TENT4B: variants seen among roughly 807,000 people sequenced by gnomAD.
The protein encoded by TENT4B is PAP associated domain containing 5.
In TENT4B, 10 loss-of-function variants were observed where a neutral mutation model predicts 75.0. That is an observed-to-expected ratio of 0.13 (90% CI 0.08 to 0.23). The LOEUF (loss-of-function observed/expected upper bound fraction) is 0.23, where lower values mean the gene tolerates loss of function less well. Among genes scored for constraint, TENT4B ranks in the 10% least tolerant of loss-of-function variants. The probability of loss-of-function intolerance (pLI) is 1.00; values close to 1 mark genes in which losing one functional copy is unlikely to be tolerated. For synonymous variants in TENT4B, 350 were observed against 357.7 expected (o/e 0.98, Z 0.24); for missense variants, 579 against 893.8 (o/e 0.65, Z 4.49).
intron 3 of TENT4B, among the ~76,000 whole-genome samples, chr16:50,214,862 C>T (rs1405213842): frequency 6.6e-6 from 1 of 152,200 alleles, no homozygotes; most frequent in Non-Finnish European, 1.5e-5. Flanking sequence ...ACTTAACCCA[C>T]TGACACAGAT....
At chr16:50,210,846 C>A (rs2031240974) in intron 1 of TENT4B, among the ~76,000 whole-genome samples, 1 of 152,186 alleles carries the variant, frequency 6.6e-6, no homozygotes, top group Non-Finnish European at 1.5e-5. Context: ...CCTTTGCCAG[C>A]CATTCTTTTC....
In TENT4B at chr16:50,220,666, CTACA is replaced by C. The variant is rs1342778916; in HGVS notation, c.1039-1637_1039-1634del. Among the ~76,000 whole-genome samples, 25 of 152,010 alleles carry C rather than the reference CTACA, an allele frequency of 1.6e-4. No homozygotes were observed. The Middle Eastern group carries it at 0.01, about 62-fold the overall frequency. ...GCCTCAGCCTCCAGAATAGCTGGGA[CTACA>C]TATGTGTGCCACCACGCTGGGCTAA... On this transcript the variant is annotated intron_variant, in intron 5 of 11. Transcript: ENST00000561678.
chr16:50,164,337 T>C (rs1339082308), intron 1 of TENT4B, among the ~76,000 whole-genome samples: 4 of 148,010 alleles, frequency 2.7e-5, no homozygotes, highest in African/African-American at 1.0e-4. Flanking sequence ...TTAGATGAAG[T>C]CTCCCTCTGT....
At chr16:50,168,499 A>T in intron 1 of TENT4B, among the ~76,000 whole-genome samples, 1 of 142,748 alleles carries the variant, frequency 7.0e-6, no homozygotes, top group African/African-American at 2.7e-5. Context: ...TTTTTAGTAG[A>T]GACTCGGTTT....
Position 50,234,128 on chromosome 16 carries a change from G to A in TENT4B, c.*4800G>A, listed in dbSNP as rs1567519743. The A allele has an allele frequency of 2.0e-6, 2 of 985,440 alleles. No homozygotes were observed. The highest frequency in any genetic ancestry group is 2.4e-6 in the Non-Finnish European group (2 of 829,940). The allele number at this position is 985,440 out of a possible 1,614,324, so 61.0% of individuals were successfully genotyped here. ...TCTTAAAGATGCCTAGAAACAAAAC[G>A]CATATAGTACCAGTGAGAAACTATG... On this transcript the variant is annotated 3_prime_UTR_variant, in exon 12 of 12. Transcript: ENST00000561678.
chr16:50,216,356 A>G (rs2031552623), intron 4 of TENT4B, among the ~76,000 whole-genome samples, 161 bp downstream of exon 4: 1 of 152,190 alleles, frequency 6.6e-6, no homozygotes, highest in East Asian at 1.9e-4. Context: ...GGTTGTCCAC[A>G]CTGGAGTGTG....
intron 5 of TENT4B, among the ~76,000 whole-genome samples, chr16:50,220,912 G>C (rs2031796704): frequency 6.6e-6 from 1 of 152,092 alleles, no homozygotes; most frequent in Admixed American, 6.5e-5. Flanking sequence ...AAAAGTATAA[G>C]CTTTTTTTTC....
chr16:50,197,180 C>A (rs2030324612), intron 1 of TENT4B, among the ~76,000 whole-genome samples: 1 of 152,086 alleles, frequency 6.6e-6, no homozygotes, highest in African/African-American at 2.4e-5. Flanking sequence ...AAAGGTGTTT[C>A]CTTAACCTGT....
chr16:50,174,486 G>A (rs1170303028), intron 1 of TENT4B, among the ~76,000 whole-genome samples: 2 of 152,074 alleles, frequency 1.3e-5, no homozygotes, highest in African/African-American at 4.8e-5. Context: ...ACATATTTAT[G>A]GGATGCATGT....
At chr16:50,190,241 CATG>C (rs1400969280) in intron 1 of TENT4B, among the ~76,000 whole-genome samples, 4 of 152,038 alleles carry the variant, frequency 2.6e-5, no homozygotes, top group African/African-American at 9.7e-5. Context: ...TGATCAGCTA[CATG>C]ATATCTACTT....
In TENT4B at chr16:50,225,156, A is replaced by G; in HGVS notation, c.1671A>G (p.Leu557=). ...AGTTAGATAAATGTAATAATAATCTATCTGAAGAAAATGAAGCCCTTGGAA... is the reference window on the plus strand; with the variant it reads ...AGTTAGATAAATGTAATAATAATCTGTCTGAAGAAAATGAAGCCCTTGGAA... ...TQQLDKCNNN[L]SEENEALGKC... The change falls in exon 10 of 12, where the codon CTA becomes CTG. Residue 557 remains leucine (L), a synonymous_variant. Coordinates refer to ENST00000561678, the MANE Select transcript of TENT4B (RefSeq NM_001365324.3). The G allele has an allele frequency of 7.4e-6, 12 of 1,613,458 alleles. No individual in the cohort carries two copies. The highest frequency in any genetic ancestry group is 1.0e-5 in the Non-Finnish European group (12 of 1,179,484).
rs1228892855 is a variant in TENT4B at position 50,233,577 on chromosome 16, A to C, written c.*4249A>C. On this transcript the variant is annotated 3_prime_UTR_variant, in exon 12 of 12. Coordinates refer to ENST00000561678, the MANE Select transcript of TENT4B (RefSeq NM_001365324.3). ...GTTGACAAAATTATTAACCAGAAAA[A>C]TTGCTTATAAAGGCTGCTGATCTAT... is the stretch of plus-strand genomic sequence containing the variant. 6.1e-6 allele frequency: 6 copies of C among 984,456 alleles called. No homozygotes were observed. The East Asian group carries it at 4.5e-4, about 74-fold the overall frequency. The allele number at this position is 984,456 out of a possible 1,614,324, so 61.0% of individuals were successfully genotyped here.
chr16:50,227,730 T>G, intron 10 of TENT4B, 109 bp from the exon 11 acceptor site: 1 of 1,197,030 alleles, frequency 8.4e-7, no homozygotes, highest in East Asian at 2.5e-5. Context: ...AACTCCCAAA[T>G]GTTTAAATTT....
At chr16:50,157,722 G>T (rs901912318) in intron 1 of TENT4B, among the ~76,000 whole-genome samples, 4 of 151,990 alleles carry the variant, frequency 2.6e-5, no homozygotes, top group African/African-American at 7.3e-5. Flanking sequence ...GCCTCCCAGT[G>T]TGCTGGGATT....
chr16:50,161,054 TC>T (rs2037994893), intron 1 of TENT4B, among the ~76,000 whole-genome samples: 1 of 152,222 alleles, frequency 6.6e-6, no homozygotes, highest in Admixed American at 6.5e-5. Flanking sequence ...GCTGAGGAAT[TC>T]AGAGGATGGC....
intron 1 of TENT4B, among the ~76,000 whole-genome samples, chr16:50,165,789 A>G (rs913574098): frequency 2.0e-5 from 3 of 152,172 alleles, no homozygotes; most frequent in South Asian, 4.1e-4. Context: ...ATTTTATTGC[A>G]TGTATATGCC....
In TENT4B at chr16:50,230,308, A is replaced by AG. The variant is rs1332534054; in HGVS notation, c.*980_*981insG. ...CCATTTCTTCCTAATAGGAAAAAAA[A>AG]AAAAAAAAAGGTCACCCATGTCTGG... On this transcript the variant is annotated 3_prime_UTR_variant, in exon 12 of 12. Transcript: ENST00000561678. 1 of 984,048 alleles carries AG rather than the reference A, an allele frequency of 1.0e-6. No individual in the cohort carries two copies. The highest frequency in any genetic ancestry group is 1.8e-5 in the African/African-American group (1 of 56,916). 61.0% of individuals were successfully genotyped at this position (984,048 alleles called of 1,614,324 possible).
intron 4 of TENT4B, among the ~76,000 whole-genome samples, chr16:50,217,033 A>G (rs752467547): frequency 3.3e-5 from 5 of 152,100 alleles, no homozygotes; most frequent in African/African-American, 1.2e-4. Flanking sequence ...GAATCCAGCA[A>G]TTTTCTTATT....
At chr16:50,222,636 G>A (rs2031879706) in intron 6 of TENT4B, among the ~76,000 whole-genome samples, 2 of 152,140 alleles carry the variant, frequency 1.3e-5, no homozygotes, top group South Asian at 2.1e-4. Context: ...AATATTTTTG[G>A]TTTTAAATCC....
Sources: allele counts gnomAD v4.1 joint callset (sites outside exome capture counted in the v4.1 genomes callset), GRCh38; gene constraint gnomAD v4.1.1; transcripts MANE v1.5; gene names NCBI Gene and HGNC (gene_info 2026-07-23, HGNC 2026-07-21).